Variants in DARS1 observed in about 807,000 individuals in gnomAD.
DARS1 encodes the protein aspartate--tRNA ligase, cytoplasmic.
In DARS1, 51 loss-of-function variants were observed where a neutral mutation model predicts 68.8. That is an observed-to-expected ratio of 0.74 (90% confidence interval 0.59 to 0.94). The LOEUF is 0.94. Among genes scored for constraint, DARS1 ranks in the 40% least tolerant of loss-of-function variants. DARS1 has a pLI of 0.00. For synonymous variants in DARS1, 203 were observed against 190.4 expected (o/e 1.07, Z -0.55); for missense variants, 607 against 597.3 (o/e 1.02, Z -0.17).
intron 10 of DARS1, among the ~76,000 whole-genome samples, chr2:135,917,349 T>C (rs144241029): frequency 2.0e-5 from 3 of 152,300 alleles, no homozygotes; most frequent in African/African-American, 4.8e-5. Context: ...GCACATCCTT[T>C]TGTATGTGTT....
chr2:135,929,720 T>C (rs1160119554), intron 7 of DARS1, among the ~76,000 whole-genome samples: 2 of 152,256 alleles, frequency 1.3e-5, no homozygotes, highest in African/African-American at 4.8e-5. Context: ...ATTTTTAGTT[T>C]GGAAAATATG....
At chr2:135,941,912 T>G (rs1483296801) in intron 5 of DARS1, among the ~76,000 whole-genome samples, 1 of 152,166 alleles carries the variant, frequency 6.6e-6, no homozygotes, top group African/African-American at 2.4e-5. Flanking sequence ...AAAATGCTCA[T>G]CATCACTGGC....
intron 3 of DARS1, among the ~76,000 whole-genome samples, chr2:135,965,069 A>T (rs368618074): frequency 6.6e-6 from 1 of 152,228 alleles, no homozygotes; most frequent in East Asian, 1.9e-4. Context: ...TCAATAGAAC[A>T]TAAGAAAAAA....
intron 3 of DARS1, among the ~76,000 whole-genome samples, chr2:135,973,228 G>A (rs1682421093): frequency 6.6e-6 from 1 of 152,210 alleles, no homozygotes; most frequent in East Asian, 1.9e-4. Context: ...ACACAATGGA[G>A]TACTATCCAG....
chr2:135,956,929 AT>A (rs1019761890), intron 4 of DARS1, among the ~76,000 whole-genome samples: 1 of 150,168 alleles, frequency 6.7e-6, no homozygotes, highest in African/African-American at 2.4e-5. Context: ...ACACCTGGCT[AT>A]TTTTTTTTAT....
intron 5 of DARS1, among the ~76,000 whole-genome samples, chr2:135,934,230 CAT>C (rs1366062361): frequency 3.3e-5 from 5 of 152,060 alleles, no homozygotes; most frequent in Non-Finnish European, 7.4e-5. Context: ...AATAAGGTAA[CAT>C]ATATAAAAAT....
chr2:135,947,823 G>T (rs77694994), intron 4 of DARS1, among the ~76,000 whole-genome samples: 3 of 131,494 alleles, frequency 2.3e-5, no homozygotes. Context: ...TAGTTTCTGT[G>T]AAAAAAAAAA....
chr2:135,955,673 C>CTTTTTTTTTTTTTT (rs75123258), intron 4 of DARS1, among the ~76,000 whole-genome samples: 1 of 61,336 alleles, frequency 1.6e-5, no homozygotes, highest in African/African-American at 7.3e-5. Context: ...AAATAAAAAT[C>CTTTTTTTTTTTTTT]TTTTTTTTTT....
chr2:135,983,477 C>T (rs201786687), intron 1 of DARS1, 23 bp from the exon 2 acceptor site: 89 of 886,744 alleles, frequency 1.0e-4, no homozygotes, highest in Middle Eastern at 2.5e-4. Flanking sequence ...TTTTTTGCAT[C>T]GTGACTTTTT....
chr2:135,922,864 G>A lies in DARS1; in HGVS notation c.731C>T (p.Ala244Val). ...VFTVSYFKNN[A>V]YLAQSPQLYK... ...TAGCTGTGGGGACTGAGCCAGGTAT[G>A]CATTATTTTTAAAATATGACACAGT... Residue 244 changes from alanine to valine, a missense_variant, in exon 9 of 16, where the codon GCA (alanine) becomes GTA (valine). Coordinates refer to ENST00000264161, the MANE Select transcript of DARS1 (RefSeq NM_001349.4). 6.3e-7 allele frequency: 1 copy of A among 1,584,580 alleles called. No individual in the cohort carries two copies. Among genetic ancestry groups the A allele is most frequent in the Non-Finnish European group, 8.6e-7 (1 of 1,166,472 alleles).
At chr2:135,975,753 C>CAA (rs1170740469) in intron 3 of DARS1, among the ~76,000 whole-genome samples, 1,633 of 71,614 alleles carry the variant, frequency 0.023, 43 homozygotes, top group African/African-American at 0.035. Flanking sequence ...GACCCTGACT[C>CAA]AAAAAAAAAA....
At chr2:135,970,554 A>G (rs1682347670) in intron 3 of DARS1, among the ~76,000 whole-genome samples, 1 of 152,074 alleles carries the variant, frequency 6.6e-6, no homozygotes. Flanking sequence ...AATGCATCTT[A>G]AAGAACTAGA....
intron 15 of DARS1, among the ~76,000 whole-genome samples, chr2:135,908,576 G>T (rs900173306): frequency 6.6e-6 from 1 of 152,192 alleles, no homozygotes; most frequent in African/African-American, 2.4e-5. Context: ...GTCAGCATCT[G>T]TTGTTTCTCG....
At chr2:135,954,731 C>T (rs779386113) in intron 4 of DARS1, among the ~76,000 whole-genome samples, 3 of 152,042 alleles carry the variant, frequency 2.0e-5, no homozygotes, top group African/African-American at 7.3e-5. Flanking sequence ...TCACATGCAA[C>T]GAGTCTGGTA....
intron 4 of DARS1, among the ~76,000 whole-genome samples, chr2:135,957,213 T>C (rs79719188): frequency 0.014 from 2,102 of 151,820 alleles, 54 homozygotes; most frequent in African/African-American, 0.048. Context: ...TACAGGTGCA[T>C]GCAGCCATAT....
intron 2 of DARS1, chr2:135,980,669 A>G (rs1682608819): frequency 6.6e-6 from 1 of 152,254 alleles, no homozygotes; most frequent in South Asian, 2.1e-4. Context: ...AGAAAGCGTG[A>G]AAGAGAAAAG....
chr2:135,964,320 A>C (rs1032903727), intron 3 of DARS1, among the ~76,000 whole-genome samples: 3 of 152,188 alleles, frequency 2.0e-5, no homozygotes, highest in Non-Finnish European at 2.9e-5. Flanking sequence ...TTCTACAATA[A>C]ATATGCACTA....
At chr2:135,975,929 A>G (rs527451294) in intron 3 of DARS1, among the ~76,000 whole-genome samples, 1 of 152,274 alleles carries the variant, frequency 6.6e-6, no homozygotes, top group African/African-American at 2.4e-5. Flanking sequence ...AGCCTGAGTG[A>G]CAGGGCAAGA....
At position 135,916,331 on chromosome 2, in the gene DARS1, C is replaced by T. The variant is rs1681004823; in HGVS notation, c.1001G>A (p.Cys334Tyr). Reference sequence around the variant, plus strand: ...TGGCTCCAAAAATTTGAATGGCTCACATGGGAACTGTTTATTCACTGTTTG... The same window carrying T: ...TGGCTCCAAAAATTTGAATGGCTCATATGGGAACTGTTTATTCACTGTTTG... ...EIQTVNKQFPCEPFKFLEPTL... is the reference protein window; with the variant it reads ...EIQTVNKQFPYEPFKFLEPTL... Residue 334 changes from cysteine (C) to tyrosine (Y), a missense_variant, in exon 11 of 16, where the codon TGT (cysteine) becomes TAT (tyrosine). Coordinates refer to ENST00000264161, the MANE Select transcript of DARS1 (RefSeq NM_001349.4). 2 of 1,506,652 alleles carry T rather than the reference C, an allele frequency of 1.3e-6. No homozygotes were observed. The highest frequency in any genetic ancestry group is 1.8e-6 in the Non-Finnish European group (2 of 1,081,856). The allele number at this position is 1,506,652 out of a possible 1,614,324, so 93.3% of individuals were successfully genotyped here.
Sources: allele counts gnomAD v4.1 joint callset (sites outside exome capture counted in the v4.1 genomes callset), GRCh38; gene constraint gnomAD v4.1.1; transcripts MANE v1.5; gene names NCBI Gene and HGNC (gene_info 2026-07-23, HGNC 2026-07-21).